CDH3: variants seen among roughly 807,000 people sequenced by gnomAD.
CDH3 encodes the protein cadherin 3.
In CDH3, 54 loss-of-function variants were observed where a neutral mutation model predicts 82.0. The observed-to-expected ratio is 0.66, with a 90% CI of 0.53 to 0.83. CDH3 has a LOEUF of 0.83. Among genes scored for constraint, CDH3 ranks in the 40% least tolerant of loss-of-function variants. The pLI, the probability that CDH3 is intolerant of heterozygous loss-of-function variation, is 0.00. For missense variants in CDH3, 1,054 were observed against 1,084.6 expected (o/e 0.97, Z 0.40); for synonymous variants, 446 against 437.9 (o/e 1.02, Z -0.23).
chr16:68,697,819 C>T (rs914154055), intron 15 of CDH3, among the ~76,000 whole-genome samples: 2 of 152,180 alleles, frequency 1.3e-5, no homozygotes, highest in South Asian at 2.1e-4. Flanking sequence ...CAGTACCTCC[C>T]GAGGCTGTGT....
At chr16:68,719,654 C>A (rs1962140234) in intron 1 of CDH3, among the ~76,000 whole-genome samples, 1 of 151,722 alleles carries the variant, frequency 6.6e-6, no homozygotes, top group Non-Finnish European at 1.5e-5. Context: ...GGACCTCAGG[C>A]ACACACCAGC....
At chr16:68,660,818 G>T (rs967292751) in intron 2 of CDH3, among the ~76,000 whole-genome samples, 4 of 152,068 alleles carry the variant, frequency 2.6e-5, no homozygotes, top group Admixed American at 6.5e-5. Flanking sequence ...AATTAGCCGG[G>T]CGTAGTGGCA....
intron 2 of CDH3, chr16:68,651,322 G>C (rs1349192666): frequency 7.5e-6 from 4 of 532,674 alleles, no homozygotes; most frequent in Admixed American, 2.0e-5. Flanking sequence ...GCACTTGTTT[G>C]TACCCATCTG....
intron 2 of CDH3, among the ~76,000 whole-genome samples, chr16:68,670,594 C>G (rs1960860693): frequency 6.6e-6 from 1 of 152,186 alleles, no homozygotes; most frequent in Non-Finnish European, 1.5e-5. Context: ...GCAGCTGGGA[C>G]TACATCATGG....
intron 2 of CDH3, among the ~76,000 whole-genome samples, chr16:68,653,246 A>AT (rs1330106202): frequency 1.7e-4 from 23 of 135,992 alleles, no homozygotes; most frequent in Admixed American, 6.4e-4. Context: ...ATTTTATTTT[A>AT]TTTTATTTTT....
At chr16:68,677,118 T>C (rs1961055256) in intron 3 of CDH3, among the ~76,000 whole-genome samples, 1 of 152,210 alleles carries the variant, frequency 6.6e-6, no homozygotes, top group African/African-American at 2.4e-5. Flanking sequence ...ATTTCGTATA[T>C]ATACATATAT....
At chr16:68,710,695 T>C (rs1275209888) in intron 1 of CDH3, among the ~76,000 whole-genome samples, 1 of 150,918 alleles carries the variant, frequency 6.6e-6, no homozygotes, top group East Asian at 2.0e-4. Context: ...AATACAAAAA[T>C]TAGCCGAGTG....
chr16:68,645,850 C>T, intron 2 of CDH3, 100 bp downstream of exon 2: 2 of 890,328 alleles, frequency 2.2e-6, no homozygotes, highest in Non-Finnish European at 3.4e-6. Flanking sequence ...GGACTCCTGG[C>T]GCCACCTCAG....
intron 13 of CDH3, among the ~76,000 whole-genome samples, chr16:68,692,343 T>C (rs1205445004): frequency 1.3e-5 from 2 of 152,152 alleles, no homozygotes; most frequent in Non-Finnish European, 2.9e-5. Flanking sequence ...GGTCCACTCC[T>C]TAAACTCCTA....
chr16:68,678,059 C>T (rs954128213), intron 3 of CDH3, 75 bp from the exon 4 acceptor site: 1 of 1,397,370 alleles, frequency 7.2e-7, no homozygotes, highest in Non-Finnish European at 1.0e-6. Flanking sequence ...ACCCTTTTAA[C>T]TCTTATAGGT....
intron 12 of CDH3, 41 bp downstream of exon 12, chr16:68,687,777 C>T: frequency 7.0e-7 from 1 of 1,420,914 alleles, no homozygotes; most frequent in Non-Finnish European, 9.9e-7. Flanking sequence ...GTGCCAGCCC[C>T]ACTGGTGGGC....
At chr16:68,678,426 T>A (rs1961097630) in intron 4 of CDH3, 75 bp from the exon 5 acceptor site, 1 of 1,600,152 alleles carries the variant, frequency 6.2e-7, no homozygotes, top group Non-Finnish European at 8.6e-7. Flanking sequence ...GCAGTGCCCC[T>A]CTTCACAGAG....
chr16:68,663,242 T>C (rs542234531), intron 2 of CDH3, among the ~76,000 whole-genome samples: 34 of 139,514 alleles, frequency 2.4e-4, no homozygotes, highest in African/African-American at 8.5e-4. Flanking sequence ...TTTTTTTTTC[T>C]GAGACGGAGT....
At chr16:68,717,888 C>T (rs1962113147) in intron 1 of CDH3, among the ~76,000 whole-genome samples, 1 of 152,148 alleles carries the variant, frequency 6.6e-6, no homozygotes. Context: ...TGAGTTAAAG[C>T]AGCACCAGGC....
intron 11 of CDH3, among the ~76,000 whole-genome samples, chr16:68,687,136 G>A (rs909935194): frequency 9.8e-5 from 15 of 152,332 alleles, no homozygotes; most frequent in Admixed American, 3.3e-4. Context: ...AGGTTATGAC[G>A]TAGTTGTCAC....
At chr16:68,721,229 CTTTTT>C (rs71148941) in intron 1 of CDH3, among the ~76,000 whole-genome samples, 338 of 114,560 alleles carry the variant, frequency 3.0e-3, no homozygotes, top group Middle Eastern at 0.01. Flanking sequence ...GCAGTTTAGT[CTTTTT>C]TTTTTTTTTT....
At chr16:68,657,466 A>G (rs1377649755) in intron 2 of CDH3, among the ~76,000 whole-genome samples, 2 of 152,168 alleles carry the variant, frequency 1.3e-5, no homozygotes, top group African/African-American at 2.4e-5. Flanking sequence ...GTGAGCCGAG[A>G]TCGCACCACT....
chr16:68,704,961 G>A (rs1201976402), downstream of CDH3, among the ~76,000 whole-genome samples: 3 of 152,124 alleles, frequency 2.0e-5, no homozygotes, highest in East Asian at 3.9e-4. Flanking sequence ...TACTCGGGAG[G>A]CTGAGGAGGA....
downstream of CDH3, among the ~76,000 whole-genome samples, chr16:68,703,120 C>T (rs1462901370): frequency 6.6e-6 from 1 of 152,224 alleles, no homozygotes; most frequent in African/African-American, 2.4e-5. Flanking sequence ...TTTCCCTCGT[C>T]ACTGACCCAA....
Sources: allele counts gnomAD v4.1 joint callset (sites outside exome capture counted in the v4.1 genomes callset), GRCh38; gene constraint gnomAD v4.1.1; transcripts MANE v1.5; gene names NCBI Gene and HGNC (gene_info 2026-07-23, HGNC 2026-07-21).